STK3: variants seen among roughly 807,000 people sequenced by gnomAD.
STK3 encodes the protein serine/threonine-protein kinase 3.
In STK3, 41 loss-of-function variants were observed where a neutral mutation model predicts 58.0. The observed-to-expected ratio is 0.71, with a 90% CI of 0.55 to 0.92. The LOEUF (loss-of-function observed/expected upper bound fraction) is 0.92. STK3 is among the 40% of genes least tolerant of loss of function. STK3 has a pLI of 0.00. For synonymous variants in STK3, 170 were observed against 191.0 expected, an observed-to-expected ratio of 0.89 and a Z score of 0.91; for missense variants, 479 against 602.7, an observed-to-expected ratio of 0.79 and a Z score of 2.15.
At chr8:98,716,648 T>C (rs1298338329) in intron 4 of STK3, among the ~76,000 whole-genome samples, 1 of 152,102 alleles carries the variant, frequency 6.6e-6, no homozygotes, top group Non-Finnish European at 1.5e-5. Context: ...AAAATCCCAA[T>C]GATGTTTATT....
At chr8:98,498,082 ACAC>A (rs1264188995) in intron 10 of STK3, among the ~76,000 whole-genome samples, 4 of 152,120 alleles carry the variant, frequency 2.6e-5, no homozygotes, top group Non-Finnish European at 4.4e-5. Context: ...ATGTATGAAC[ACAC>A]CACATTTTGT....
Position 98,902,852 on chromosome 8 carries a change from A to G in STK3, c.-78-19018T>C, listed in dbSNP as rs956069238. 6.0e-4 allele frequency among the ~76,000 whole-genome samples: 92 copies of G among 152,282 alleles called. 2 individuals carry two copies. The highest frequency in any genetic ancestry group is 1.5e-3 in the African/African-American group (61 of 41,552). On this transcript the variant is annotated intron_variant, in intron 1 of 1. Coordinates refer to the STK3 transcript ENST00000519420. ...TTCACAACCCTGTGATTACCATCCT[A>G]TTTTACAGATAAGGAAACTGAGGAC...
At chr8:98,481,880 C>T (rs1296651289) in intron 10 of STK3, among the ~76,000 whole-genome samples, 1 of 152,076 alleles carries the variant, frequency 6.6e-6, no homozygotes, top group African/African-American at 2.4e-5. Context: ...AATCAGACTT[C>T]TCCTTTACTT....
chr8:98,523,858 A>C (rs1825559004), intron 10 of STK3, among the ~76,000 whole-genome samples: 1 of 152,108 alleles, frequency 6.6e-6, no homozygotes, highest in Non-Finnish European at 1.5e-5. Context: ...CAAGTTTTCC[A>C]TTTTGATGTA....
At chr8:98,371,090 AG>A (rs1424964538), downstream of STK3, among the ~76,000 whole-genome samples, 26 of 152,336 alleles carry the variant, frequency 1.7e-4, no homozygotes, top group African/African-American at 6.0e-4. Context: ...AGGACAGAAA[AG>A]AAACAAAACT....
At chr8:98,823,044 G>A (rs962056527) in intron 1 of STK3, among the ~76,000 whole-genome samples, 2 of 152,184 alleles carry the variant, frequency 1.3e-5, no homozygotes, top group Non-Finnish European at 2.9e-5. Context: ...AAAGCGTCCA[G>A]CTAGAAGGTA....
At chr8:98,712,620 C>A (rs943082697) in intron 4 of STK3, among the ~76,000 whole-genome samples, 29 of 151,880 alleles carry the variant, frequency 1.9e-4, no homozygotes, top group Non-Finnish European at 3.4e-4. Flanking sequence ...ACAGGAGCAC[C>A]CAGATTCATA....
intron 10 of STK3, among the ~76,000 whole-genome samples, chr8:98,465,532 G>A (rs1174913888): frequency 6.6e-6 from 1 of 152,178 alleles, no homozygotes; most frequent in Non-Finnish European, 1.5e-5. Flanking sequence ...GTGCATATGT[G>A]TTAATTAAGC....
At chr8:98,677,606 G>C (rs900459936) in intron 6 of STK3, among the ~76,000 whole-genome samples, 1 of 151,990 alleles carries the variant, frequency 6.6e-6, no homozygotes, top group East Asian at 1.9e-4. Flanking sequence ...CAGAGAAGAG[G>C]ACAAACATTT....
intron 1 of STK3, among the ~76,000 whole-genome samples, chr8:98,915,344 A>G (rs1839302382): frequency 6.7e-6 from 1 of 149,386 alleles, no homozygotes; most frequent in Non-Finnish European, 1.5e-5. Flanking sequence ...CAGTTTTGGG[A>G]CTTGGACTGG....
intron 6 of STK3, among the ~76,000 whole-genome samples, chr8:98,624,511 T>C (rs1266435705): frequency 1.3e-5 from 2 of 152,068 alleles, no homozygotes; most frequent in Admixed American, 6.6e-5. Flanking sequence ...TATTGGTACA[T>C]TGTTAGGAAG....
intron 1 of STK3, among the ~76,000 whole-genome samples, chr8:98,821,387 G>T (rs893965749): frequency 5.3e-5 from 8 of 152,076 alleles, no homozygotes; most frequent in African/African-American, 1.9e-4. Context: ...GGTCCCTGGT[G>T]CCAAAATGGT....
chr8:98,562,080 A>G (rs1346101560), intron 8 of STK3, among the ~76,000 whole-genome samples: 1 of 152,200 alleles, frequency 6.6e-6, no homozygotes, highest in Non-Finnish European at 1.5e-5. Flanking sequence ...ATATAAAATG[A>G]TACAACTTTG....
chr8:98,628,914 A>T (rs1353561482), intron 6 of STK3, among the ~76,000 whole-genome samples: 1 of 152,160 alleles, frequency 6.6e-6, no homozygotes, highest in Non-Finnish European at 1.5e-5. Flanking sequence ...CAGGTTTGGA[A>T]AACATTAAAT....
intron 10 of STK3, among the ~76,000 whole-genome samples, chr8:98,464,752 T>G (rs1298073088): frequency 6.6e-6 from 1 of 152,094 alleles, no homozygotes; most frequent in Non-Finnish European, 1.5e-5. Flanking sequence ...AAGATAGTGA[T>G]AATTTCAGGC....
At chr8:98,738,021 A>G (rs1244305728) in intron 4 of STK3, among the ~76,000 whole-genome samples, 1 of 152,200 alleles carries the variant, frequency 6.6e-6, no homozygotes, top group Non-Finnish European at 1.5e-5. Context: ...AATGATTTTC[A>G]AGAGGATTTA....
At chr8:98,522,718 C>T (rs889548729) in intron 10 of STK3, among the ~76,000 whole-genome samples, 8 of 152,084 alleles carry the variant, frequency 5.3e-5, no homozygotes, top group Non-Finnish European at 1.2e-4. Flanking sequence ...CTATTTCTCA[C>T]CCGTGAGAAC....
chr8:98,602,064 C>T (rs1403743665), intron 6 of STK3: 1 of 152,166 alleles, frequency 6.6e-6, no homozygotes, highest in African/African-American at 2.4e-5. Flanking sequence ...ATATAAAATA[C>T]AAGACAAGTG....
At chr8:98,439,351 G>A (rs911324844) in intron 1 of STK3, 1 of 152,216 alleles carries the variant, frequency 6.6e-6, no homozygotes, top group African/African-American at 2.4e-5. Flanking sequence ...AGAGTCAGGA[G>A]TTTCAGGGCA....
Sources: allele counts gnomAD v4.1 joint callset (sites outside exome capture counted in the v4.1 genomes callset), GRCh38; gene constraint gnomAD v4.1.1; transcripts MANE v1.5; gene names NCBI Gene and HGNC (gene_info 2026-07-23, HGNC 2026-07-21).